The following SLC6A6 variants were observed in gnomAD, a reference collection of about 807,000 sequenced individuals.
SLC6A6 encodes solute carrier family 6 member 6.
SLC6A6 carries 16 observed loss-of-function variants against 68.8 expected under a neutral mutation model. That is an observed-to-expected ratio of 0.23 (90% CI 0.16 to 0.35). The LOEUF is 0.35. SLC6A6 is among the 10% of genes least tolerant of loss of function. The probability of loss-of-function intolerance (pLI) is 1.00; values close to 1 mark genes in which losing one functional copy is unlikely to be tolerated. For synonymous variants in SLC6A6, 312 were observed against 315.4 expected (o/e 0.99, Z 0.12); for missense variants, 474 against 802.8 (o/e 0.59, Z 4.95).
chr3:14,462,034 G>T (rs978769091), intron 6 of SLC6A6, among the ~76,000 whole-genome samples: 1 of 152,210 alleles, frequency 6.6e-6, no homozygotes, highest in African/African-American at 2.4e-5. Flanking sequence ...TTGGGTCTAG[G>T]GCTCAGAGGA....
intron 9 of SLC6A6, among the ~76,000 whole-genome samples, chr3:14,470,772 A>T (rs1700733878): frequency 6.6e-6 from 1 of 152,204 alleles, no homozygotes; most frequent in Non-Finnish European, 1.5e-5. Flanking sequence ...TTCAAAAGTC[A>T]TCTCACCGGG....
At chr3:14,445,617 T>G in intron 3 of SLC6A6, 100 bp from the exon 4 acceptor site, 1 of 1,338,850 alleles carries the variant, frequency 7.5e-7, no homozygotes, top group African/African-American at 1.4e-5. Context: ...ATGCCCCTCA[T>G]GCATTCTCTC....
intron 14 of SLC6A6, among the ~76,000 whole-genome samples, chr3:14,482,521 C>T (rs1023473604): frequency 1.3e-5 from 2 of 152,234 alleles, no homozygotes; most frequent in Non-Finnish European, 1.5e-5. Context: ...ACCTTTTGAG[C>T]TTGGGCTGGC....
At chr3:14,437,194 C>T (rs1699876798) in intron 2 of SLC6A6, among the ~76,000 whole-genome samples, 1 of 152,164 alleles carries the variant, frequency 6.6e-6, no homozygotes, top group Admixed American at 6.5e-5. Context: ...TAAAAAGATG[C>T]ATATTCTGCT....
chr3:14,466,244 A>G (rs1370575672), intron 6 of SLC6A6, among the ~76,000 whole-genome samples: 2 of 149,014 alleles, frequency 1.3e-5, no homozygotes, highest in South Asian at 2.2e-4. Flanking sequence ...CCTGGGTGAC[A>G]GCGAGGCTCC....
At chr3:14,406,260 G>A (rs899858408) in intron 1 of SLC6A6, among the ~76,000 whole-genome samples, 1 of 152,100 alleles carries the variant, frequency 6.6e-6, no homozygotes, top group Non-Finnish European at 1.5e-5. Flanking sequence ...CAATCTTCTC[G>A]CCTCAGCCTC....
At position 14,481,794 on chromosome 3, in the gene SLC6A6, T is replaced by C. The variant is rs1049282089; in HGVS notation, c.1675T>C (p.Leu559=). The C allele has an allele frequency of 1.2e-6, 2 of 1,614,132 alleles. No individual in the cohort carries two copies. The highest frequency in any genetic ancestry group is 1.7e-5 in the Admixed American group (1 of 60,024). ...CCTTTCCTCCATGCTCTGCGTTCCC[T>C]TGGTCATCGTCATCCGCCTCTGCCA... ...LALSSMLCVP[L]VIVIRLCQTE... is the part of the protein sequence containing the mutation. Residue 559 remains leucine, a synonymous_variant, in exon 14 of 15, where the codon TTG becomes CTG. Coordinates refer to ENST00000622186, the MANE Select transcript of SLC6A6 (RefSeq NM_003043.6). The surrounding 1 kb of genome is among the most constrained non-coding windows in gnomAD (Gnocchi z 4.7).
rs986558571 is a variant in SLC6A6, at chr3:14,443,483, G to A, written c.-11-141G>A. On this transcript the variant is annotated intron_variant, in intron 2 of 14. Transcript: ENST00000622186. ...CTCCTGATGTTGCTGTCAAAGCATT[G>A]GACAGACAGGGATGCCAGGCCCCTT... 10 of 622,274 alleles carry A rather than the reference G, an allele frequency of 1.6e-5. No individual in the cohort carries two copies. The African/African-American group carries it at 1.8e-4, about 11-fold the overall frequency. The allele number at this position is 622,274 out of a possible 1,614,324, so 38.5% of individuals were successfully genotyped here.
At chr3:14,442,645 A>G (rs1432440432) in intron 2 of SLC6A6, among the ~76,000 whole-genome samples, 1 of 152,220 alleles carries the variant, frequency 6.6e-6, no homozygotes, top group Non-Finnish European at 1.5e-5. Context: ...GACCTTAGGA[A>G]GTACAGAAAG....
chr3:14,443,578 G>A (rs1700040839), intron 2 of SLC6A6, 46 bp from the exon 3 acceptor site: 1 of 1,277,156 alleles, frequency 7.8e-7, no homozygotes, highest in Non-Finnish European at 1.1e-6. Context: ...AGACATACAG[G>A]TGGTCCCTCA....
At chr3:14,426,813 G>C (rs1384479433) in intron 2 of SLC6A6, among the ~76,000 whole-genome samples, 1 of 152,080 alleles carries the variant, frequency 6.6e-6, no homozygotes, top group Non-Finnish European at 1.5e-5. Flanking sequence ...CTGCGGTCTT[G>C]GTGAGGAAGA....
At position 14,407,031 on chromosome 3, in the gene SLC6A6, C is replaced by A. The variant is rs1699125439; in HGVS notation, c.-54+4184C>A. Reference sequence around the variant, plus strand: ...CTCCAGGGGGATGGAGCCTGGGAATCTGTATTTTTAAAGTTTTTCTTGTGG... The same window carrying A: ...CTCCAGGGGGATGGAGCCTGGGAATATGTATTTTTAAAGTTTTTCTTGTGG... On this transcript the variant is annotated intron_variant, in intron 1 of 14. Coordinates refer to ENST00000622186, the MANE Select transcript of SLC6A6 (RefSeq NM_003043.6). 2.0e-5 allele frequency among the ~76,000 whole-genome samples: 3 copies of A among 146,954 alleles called. No individual in the cohort carries two copies. The Admixed American group carries it at 2.1e-4, about 10-fold the overall frequency.
intron 7 of SLC6A6, among the ~76,000 whole-genome samples, chr3:14,467,114 C>T (rs1354747019): frequency 6.6e-6 from 1 of 152,188 alleles, no homozygotes; most frequent in Non-Finnish European, 1.5e-5. Context: ...GAAAGCACAC[C>T]TTCTGGCACT....
At chr3:14,482,668 G>A (rs865975314) in intron 14 of SLC6A6, among the ~76,000 whole-genome samples, 2 of 152,154 alleles carry the variant, frequency 1.3e-5, no homozygotes, top group Non-Finnish European at 2.9e-5. Flanking sequence ...ATGGCCTGGA[G>A]GTGGTGCTGG....
At chr3:14,470,561 C>T (rs767475600) in intron 9 of SLC6A6, among the ~76,000 whole-genome samples, 1 of 152,144 alleles carries the variant, frequency 6.6e-6, no homozygotes, top group South Asian at 2.1e-4. Context: ...AATACAGAAA[C>T]GAGCGAATTG....
At chr3:14,458,369 C>G (rs574339610) in intron 6 of SLC6A6, among the ~76,000 whole-genome samples, 2 of 152,270 alleles carry the variant, frequency 1.3e-5, no homozygotes, top group Non-Finnish European at 2.9e-5. Context: ...GGAGCCTACA[C>G]GAGCTAGCCC....
rs1029711757 is a variant in SLC6A6 at position 14,472,542 on chromosome 3, A to G, written c.1209+225A>G. ...AATTATTTAGCCTAATGGAGTGCAA[A>G]CAAGACGTGGCATGGCACATTATCT... On this transcript the variant is annotated intron_variant, in intron 10 of 14. Transcript: ENST00000622186. The surrounding 1 kb of genome is among the most constrained non-coding windows in gnomAD (Gnocchi z 4.5). Among the ~76,000 whole-genome samples, 10 of 152,218 alleles carry G rather than the reference A, an allele frequency of 6.6e-5. No homozygotes were observed. Among genetic ancestry groups the G allele is most frequent in the African/African-American group, 2.4e-4 (10 of 41,454 alleles).
chr3:14,441,144 G>T (rs540240944), intron 2 of SLC6A6, among the ~76,000 whole-genome samples: 1 of 152,260 alleles, frequency 6.6e-6, no homozygotes, highest in Admixed American at 6.5e-5. Flanking sequence ...GGACTCTCAG[G>T]GTAGCCGCAG....
At chr3:14,467,040 G>A (rs986536199) in intron 7 of SLC6A6, among the ~76,000 whole-genome samples, 1 of 152,280 alleles carries the variant, frequency 6.6e-6, no homozygotes. Flanking sequence ...GGAGAGCTGC[G>A]GGCTTCCTTG....
Sources: allele counts gnomAD v4.1 joint callset (sites outside exome capture counted in the v4.1 genomes callset), GRCh38; gene constraint gnomAD v4.1.1; non-coding constraint Gnocchi (gnomAD v3.1); transcripts MANE v1.5; gene names NCBI Gene and HGNC (gene_info 2026-07-23, HGNC 2026-07-21).